KIF5C: variants seen among roughly 807,000 people sequenced by gnomAD.
The protein encoded by KIF5C is kinesin heavy chain isoform 5C.
A neutral mutation model predicts 125.2 loss-of-function variants in KIF5C; 18 were observed. The ratio of observed to expected loss-of-function variants is 0.14; its 90% CI spans 0.10 to 0.21. KIF5C has a LOEUF of 0.21. Among genes scored for constraint, KIF5C ranks in the 10% least tolerant of loss-of-function variants. The pLI is 1.00. For synonymous variants in KIF5C, 405 were observed against 434.0 expected, an observed-to-expected ratio of 0.93 and a Z score of 0.83; for missense variants, 780 against 1,183.8, an observed-to-expected ratio of 0.66 and a Z score of 5.01.
At position 148,962,096 on chromosome 2, in the gene KIF5C, T is replaced by C. The variant is rs751760706; in HGVS notation, c.1094T>C (p.Met365Thr). 1.9e-6 allele frequency: 3 copies of C among 1,610,996 alleles called. No homozygotes were observed. The African/African-American group carries it at 4.0e-5, about 22-fold the overall frequency. Reference sequence around the variant, plus strand: ...AAGAATGTTATCCAGCATCTGGAGATGGAGCTAAACAGGTGGAGGAATGGT... The same window carrying C: ...AAGAATGTTATCCAGCATCTGGAGACGGAGCTAAACAGGTGGAGGAATGGT... ...TLKNVIQHLE[M>T]ELNRWRNGEA... Residue 365 changes from methionine to threonine, a missense_variant, in exon 11 of 26, where the codon ATG becomes ACG. Physicochemically the swap from Met to Thr is moderately conservative, Grantham distance 81. Coordinates refer to ENST00000435030, the MANE Select transcript of KIF5C (RefSeq NM_004522.3).
At chr2:148,978,343 T>TG (rs1293299233) in intron 12 of KIF5C, among the ~76,000 whole-genome samples, 23 of 144,832 alleles carry the variant, frequency 1.6e-4, no homozygotes, top group East Asian at 1.4e-3. Flanking sequence ...GGTTTTTTTT[T>TG]TTTTTTTTTT....
chr2:148,963,949 T>C (rs1008651884), intron 11 of KIF5C, among the ~76,000 whole-genome samples: 2 of 152,182 alleles, frequency 1.3e-5, no homozygotes, highest in African/African-American at 2.4e-5. Context: ...GTTTTTGGCC[T>C]CTTTACTTGG....
intron 12 of KIF5C, among the ~76,000 whole-genome samples, chr2:148,976,510 C>T (rs1681076033): frequency 6.6e-6 from 1 of 152,084 alleles, no homozygotes; most frequent in East Asian, 1.9e-4. Flanking sequence ...CCTCGTGATC[C>T]ACCTGCCTCG....
intron 6 of KIF5C, among the ~76,000 whole-genome samples, chr2:148,942,423 T>G (rs531849572): frequency 6.6e-6 from 1 of 152,340 alleles, no homozygotes; most frequent in Admixed American, 6.5e-5. Context: ...AGTATGAATA[T>G]GTACTCAAAA....
intron 1 of KIF5C, chr2:148,886,373 C>G (rs1455206709): frequency 6.6e-6 from 1 of 152,354 alleles, no homozygotes; most frequent in African/African-American, 2.4e-5. Flanking sequence ...TCCACAGATT[C>G]AGGCCCAACT....
chr2:148,927,931 A>G (rs539742238), intron 2 of KIF5C, among the ~76,000 whole-genome samples: 2 of 151,946 alleles, frequency 1.3e-5, no homozygotes, highest in Non-Finnish European at 2.9e-5. Context: ...CCAACCCCCA[A>G]TATAGCTTGA....
At chr2:149,012,796 T>C (rs1682250904) in intron 25 of KIF5C, among the ~76,000 whole-genome samples, 1 of 152,232 alleles carries the variant, frequency 6.6e-6, no homozygotes, top group South Asian at 2.1e-4. Flanking sequence ...GACAGGAAAA[T>C]GGGAAATGGT....
intron 10 of KIF5C, among the ~76,000 whole-genome samples, chr2:148,956,618 G>A (rs982246369): frequency 3.3e-5 from 5 of 152,182 alleles, no homozygotes; most frequent in Non-Finnish European, 5.9e-5. Flanking sequence ...ACAAGGAAAA[G>A]ATGCAAAACA....
chr2:149,005,495 A>G (rs1301730723), intron 22 of KIF5C, 31 bp downstream of exon 22: 1 of 1,610,158 alleles, frequency 6.2e-7, no homozygotes, highest in Admixed American at 1.7e-5. Context: ...TGGGACTGAG[A>G]AGAAAATCAA....
chr2:148,941,520 G>A, intron 4 of KIF5C, 90 bp from the exon 5 acceptor site: 1 of 1,495,266 alleles, frequency 6.7e-7, no homozygotes, highest in Non-Finnish European at 9.1e-7. Flanking sequence ...TCTTAGCCAT[G>A]CATGATGAAA....
chr2:148,946,503 AAGAT>A (rs972798666), intron 7 of KIF5C, among the ~76,000 whole-genome samples: 10 of 152,236 alleles, frequency 6.6e-5, no homozygotes, highest in Admixed American at 6.5e-4. Flanking sequence ...GCACATGACT[AAGAT>A]AGACTACATC....
At chr2:149,006,699 C>T (rs984807616) in intron 22 of KIF5C, among the ~76,000 whole-genome samples, 1 of 152,194 alleles carries the variant, frequency 6.6e-6, no homozygotes, top group Non-Finnish European at 1.5e-5. Context: ...TGGGCAATTT[C>T]AAGGCCTGCA....
intron 10 of KIF5C, among the ~76,000 whole-genome samples, chr2:148,955,773 C>T (rs1233562249): frequency 2.0e-5 from 3 of 152,062 alleles, no homozygotes; most frequent in African/African-American, 7.2e-5. Flanking sequence ...GGAGAATCTC[C>T]GTTTCTGTCT....
At chr2:148,907,659 G>A (rs1681166092) in intron 1 of KIF5C, among the ~76,000 whole-genome samples, 1 of 152,214 alleles carries the variant, frequency 6.6e-6, no homozygotes, top group Non-Finnish European at 1.5e-5. Flanking sequence ...CAGCCTGTGG[G>A]CATCAGGGGA....
intron 3 of KIF5C, among the ~76,000 whole-genome samples, chr2:148,933,441 A>G: frequency 6.6e-6 from 1 of 151,772 alleles, no homozygotes; most frequent in Admixed American, 6.6e-5. Flanking sequence ...AGCACACACC[A>G]CATTCCACCC....
chr2:148,988,027 AT>A (rs1047104628), intron 15 of KIF5C, among the ~76,000 whole-genome samples: 1 of 151,932 alleles, frequency 6.6e-6, no homozygotes, highest in Admixed American at 6.6e-5. Context: ...TCTTCCATAG[AT>A]TTCATGACGG....
intron 25 of KIF5C, among the ~76,000 whole-genome samples, chr2:149,022,117 A>G (rs946605040): frequency 2.6e-5 from 4 of 152,188 alleles, no homozygotes; most frequent in Admixed American, 6.5e-5. Context: ...GAGACGAAGC[A>G]TACCTTTGGG....
At chr2:148,960,971 G>C (rs753518375) in intron 10 of KIF5C, among the ~76,000 whole-genome samples, 2 of 152,292 alleles carry the variant, frequency 1.3e-5, no homozygotes, top group Non-Finnish European at 2.9e-5. Context: ...ATGCTGAGCT[G>C]AGTCATGGCT....
At chr2:149,017,852 C>T (rs1682412079) in intron 25 of KIF5C, among the ~76,000 whole-genome samples, 1 of 152,074 alleles carries the variant, frequency 6.6e-6, no homozygotes, top group African/African-American at 2.4e-5. Context: ...GAAATTAAAT[C>T]GAAATAAAAC....
Sources: allele counts gnomAD v4.1 joint callset (sites outside exome capture counted in the v4.1 genomes callset), GRCh38; gene constraint gnomAD v4.1.1; transcripts MANE v1.5; gene names NCBI Gene and HGNC (gene_info 2026-07-23, HGNC 2026-07-21).